The following LPP variants were observed in gnomAD, a reference collection of about 807,000 sequenced individuals.
LPP encodes the protein lipoma-preferred partner.
A neutral mutation model predicts 60.4 loss-of-function variants in LPP; 38 were observed. That is an observed-to-expected ratio of 0.63 (90% CI 0.49 to 0.83). The LOEUF (loss-of-function observed/expected upper bound fraction) is 0.83, where lower values mean the gene tolerates loss of function less well. Ranked by LOEUF, LPP falls within the 40% of genes least tolerant of loss-of-function variation. The probability of loss-of-function intolerance (pLI) is 0.00; values close to 1 mark genes in which losing one functional copy is unlikely to be tolerated. For synonymous variants in LPP, 328 were observed against 290.8 expected (o/e 1.13, Z -1.30); for missense variants, 902 against 783.6 (o/e 1.15, Z -1.80).
chr3:188,318,286 C>A (rs976698992), intron 2 of LPP, among the ~76,000 whole-genome samples: 5 of 152,072 alleles, frequency 3.3e-5, no homozygotes, highest in African/African-American at 9.7e-5. Flanking sequence ...CTAACTTAGG[C>A]AATTCCATTT....
chr3:188,203,445 ATAAATATATATAAATATATATATTTT>A (rs1731803195), intron 1 of LPP, among the ~76,000 whole-genome samples: 4 of 91,168 alleles, frequency 4.4e-5, no homozygotes, highest in Non-Finnish European at 7.5e-5. Flanking sequence ...ATATATTTAT[ATAAATATATATAAATATATATATTTT>A]TAAATATATA....
At position 188,708,273 on chromosome 3, in the gene LPP, C is replaced by T; in HGVS notation, c.1120C>T (p.His374Tyr). Reference protein sequence around the residue: ...CAPPLQPKGGHSGQLGPSSVA... With the variant: ...CAPPLQPKGGYSGQLGPSSVA... The stretch of plus-strand genomic sequence containing the variant: ...TGTGCTTTCTGCCTTTCAGGGTGGC[C>T]ATTCAGGGCAACTGGGGCCTTCGTC... The change falls in exon 8 of 12, where the codon CAT becomes TAT. Residue 374 changes from histidine to tyrosine, a missense_variant. Coordinates refer to ENST00000617246, the MANE Select transcript of LPP (RefSeq NM_001375462.1). 1 of 1,614,024 alleles carries T rather than the reference C, an allele frequency of 6.2e-7. No individual in the cohort carries two copies. Among genetic ancestry groups the T allele is most frequent in the Non-Finnish European group, 8.5e-7 (1 of 1,179,966 alleles).
In LPP at chr3:188,634,659, C is replaced by T. The variant is rs144018750; in HGVS notation, c.1113+24815C>T. Among the ~76,000 whole-genome samples, 8 of 152,244 alleles carry T rather than the reference C, an allele frequency of 5.3e-5. No individual in the cohort carries two copies. In the East Asian group the frequency reaches 7.7e-4, roughly 15 times the overall value. ...TGAACCCTATTGTGAACTGCACATGCGAGGGATATATTTTGCGTGCTCCTT... is the reference window on the plus strand; with the variant it reads ...TGAACCCTATTGTGAACTGCACATGTGAGGGATATATTTTGCGTGCTCCTT... On this transcript the variant is annotated intron_variant, in intron 7 of 11. Coordinates refer to ENST00000617246, the MANE Select transcript of LPP (RefSeq NM_001375462.1).
Position 188,496,790 on chromosome 3 carries a change from A to C in LPP, c.306+12086A>C, listed in dbSNP as rs538959355. 1.7e-3 allele frequency among the ~76,000 whole-genome samples: 259 copies of C among 152,318 alleles called. 3 individuals carry two copies. The highest frequency in any genetic ancestry group is 6.0e-3 in the African/African-American group (250 of 41,570). The stretch of plus-strand genomic sequence containing the variant: ...GATCCTCTATTGTAATATTGTCTTC[A>C]GATTTTAAAAAATGTATCTCTACAT... On this transcript the variant is annotated intron_variant, in intron 5 of 11. Coordinates refer to ENST00000617246, the MANE Select transcript of LPP (RefSeq NM_001375462.1).
rs559226476 is a variant in LPP, at chr3:188,874,257, G to A, written c.1711-94G>A. 3.6e-4 allele frequency: 444 copies of A among 1,218,582 alleles called. 2 individuals carry two copies. The Middle Eastern group carries it at 4.0e-3, about 11-fold the overall frequency. 75.5% of individuals were successfully genotyped at this position (1,218,582 alleles called of 1,614,324 possible). On this transcript the variant is annotated intron_variant, in intron 11 of 11. Coordinates refer to ENST00000617246, the MANE Select transcript of LPP (RefSeq NM_001375462.1). ...GAAGGATAGTAAGTGGCCACATTATGGAGGCCTTGAATAGAAAGCTCAATC... is the reference window on the plus strand; with the variant it reads ...GAAGGATAGTAAGTGGCCACATTATAGAGGCCTTGAATAGAAAGCTCAATC...
rs1208211036 is a variant in LPP, at chr3:188,352,283, G to C, written c.-10+10564G>C. ...ATGATATTAACGAGGTTTGATTGCT[G>C]TTCTGAAATGTGGCAGCTGCGCACA... On this transcript the variant is annotated intron_variant, in intron 3 of 11. Transcript: ENST00000617246. This position sits in a 1 kb window ranked among gnomAD's most constrained non-coding sequence, Gnocchi z 4.4. 6.6e-6 allele frequency among the ~76,000 whole-genome samples: 1 copy of C among 152,196 alleles called. No individual in the cohort carries two copies. The highest frequency in any genetic ancestry group is 6.5e-5 in the Admixed American group (1 of 15,282).
At chr3:188,830,714 G>GA (rs1270408425) in intron 9 of LPP, among the ~76,000 whole-genome samples, 1 of 152,170 alleles carries the variant, frequency 6.6e-6, no homozygotes, top group East Asian at 1.9e-4. Flanking sequence ...TATACACTGA[G>GA]AAAATCCAAG....
At chr3:188,208,222 G>C (rs1266982118) in intron 1 of LPP, 1 of 152,310 alleles carries the variant, frequency 6.6e-6, no homozygotes, top group East Asian at 1.9e-4. Flanking sequence ...ATCCTGACAA[G>C]TGGCATGTTG....
intron 9 of LPP, among the ~76,000 whole-genome samples, chr3:188,821,554 C>A (rs1297623728): frequency 6.6e-6 from 1 of 151,782 alleles, no homozygotes; most frequent in Non-Finnish European, 1.5e-5. Flanking sequence ...ACCTGCTAAC[C>A]TTTTTCTTTT....
At chr3:188,686,882 G>A (rs1860866421) in intron 7 of LPP, among the ~76,000 whole-genome samples, 1 of 152,194 alleles carries the variant, frequency 6.6e-6, no homozygotes, top group East Asian at 1.9e-4. Context: ...AAGGAGTGAA[G>A]ACCTTGATAT....
intron 5 of LPP, among the ~76,000 whole-genome samples, chr3:188,494,414 C>T (rs1213469684): frequency 6.6e-6 from 1 of 152,194 alleles, no homozygotes; most frequent in African/African-American, 2.4e-5. Context: ...CACACTGTCA[C>T]CAGCGGTGCT....
chr3:188,260,336 C>A (rs1318990847), intron 2 of LPP, among the ~76,000 whole-genome samples: 1 of 152,156 alleles, frequency 6.6e-6, no homozygotes, highest in Non-Finnish European at 1.5e-5. Context: ...AGCCACTGTG[C>A]CTGGCCACTT....
chr3:188,236,192 G>A (rs1390743041), intron 2 of LPP, among the ~76,000 whole-genome samples: 4 of 152,124 alleles, frequency 2.6e-5, no homozygotes, highest in African/African-American at 9.7e-5. Context: ...AATGGCAAAA[G>A]CCGCAATTAC....
At chr3:188,833,892 C>T (rs957008923) in intron 9 of LPP, among the ~76,000 whole-genome samples, 1 of 152,156 alleles carries the variant, frequency 6.6e-6, no homozygotes, top group South Asian at 2.1e-4. Context: ...AATAAGTTTT[C>T]ATATATGTAT....
intron 4 of LPP, among the ~76,000 whole-genome samples, chr3:188,425,580 G>A (rs1302073761): frequency 6.6e-6 from 1 of 151,946 alleles, no homozygotes; most frequent in Non-Finnish European, 1.5e-5. Flanking sequence ...TCTGGTCCTG[G>A]GCTTTTTTTG....
At chr3:188,703,136 G>T (rs901583871) in intron 7 of LPP, among the ~76,000 whole-genome samples, 1 of 152,162 alleles carries the variant, frequency 6.6e-6, no homozygotes, top group Admixed American at 6.5e-5. Context: ...CAAACATGAG[G>T]AATTAATATG....
chr3:188,504,214 A>T (rs1471612335), intron 5 of LPP, among the ~76,000 whole-genome samples: 1 of 151,996 alleles, frequency 6.6e-6, no homozygotes, highest in African/African-American at 2.4e-5. Flanking sequence ...TTGCTGTTAA[A>T]TCTGTCTTTG....
chr3:188,712,623 T>A (rs989061249), intron 8 of LPP: 1 of 152,258 alleles, frequency 6.6e-6, no homozygotes, highest in African/African-American at 2.4e-5. Context: ...TTCCCTTAAA[T>A]AACTTCTCTT....
chr3:188,585,818 G>T (rs1235193265), intron 6 of LPP, among the ~76,000 whole-genome samples: 1 of 152,176 alleles, frequency 6.6e-6, no homozygotes, highest in East Asian at 1.9e-4. Context: ...TGAAATATAT[G>T]CAAACACACA....
Sources: allele counts gnomAD v4.1 joint callset (sites outside exome capture counted in the v4.1 genomes callset), GRCh38; gene constraint gnomAD v4.1.1; non-coding constraint Gnocchi (gnomAD v3.1); transcripts MANE v1.5; gene names NCBI Gene and HGNC (gene_info 2026-07-23, HGNC 2026-07-21).